PTPRK: variants seen among roughly 807,000 people sequenced by gnomAD.
PTPRK encodes the protein protein tyrosine phosphatase receptor type K.
A neutral mutation model predicts 178.0 loss-of-function variants in PTPRK; 75 were observed. The ratio of observed to expected loss-of-function variants is 0.42; its 90% CI spans 0.35 to 0.51. PTPRK has a LOEUF of 0.51. Among genes scored for constraint, PTPRK ranks in the 20% least tolerant of loss-of-function variants. PTPRK has a pLI of 0.02. For synonymous variants in PTPRK, 637 were observed against 620.6 expected (o/e 1.03, Z -0.39); for missense variants, 1,441 against 1,797.8 (o/e 0.80, Z 3.59).
intron 1 of PTPRK, among the ~76,000 whole-genome samples, chr6:128,403,201 C>T (rs1228214691): frequency 6.6e-6 from 1 of 152,172 alleles, no homozygotes; most frequent in Non-Finnish European, 1.5e-5. Context: ...TCTATTCAAA[C>T]TGTATATTAT....
intron 1 of PTPRK, among the ~76,000 whole-genome samples, chr6:128,419,611 C>CA (rs55706420): frequency 0.024 from 2,270 of 93,022 alleles, 35 homozygotes; most frequent in African/African-American, 0.057. Flanking sequence ...GACTCCGTCT[C>CA]AAAAAAAAAA....
intron 2 of PTPRK, among the ~76,000 whole-genome samples, chr6:128,369,477 A>T (rs1835974089): frequency 1.3e-5 from 2 of 152,230 alleles, no homozygotes; most frequent in East Asian, 3.9e-4. Context: ...TCTACCTGGT[A>T]AACAAAATAC....
chr6:128,167,762 TG>T (rs1332049715), intron 7 of PTPRK, among the ~76,000 whole-genome samples: 1 of 152,074 alleles, frequency 6.6e-6, no homozygotes, highest in Non-Finnish European at 1.5e-5. Context: ...TACCACATGT[TG>T]TATTTATTAG....
chr6:128,121,071 G>C (rs1020080192), intron 7 of PTPRK, among the ~76,000 whole-genome samples: 3 of 151,852 alleles, frequency 2.0e-5, no homozygotes, highest in African/African-American at 7.2e-5. Context: ...GAGTTGAGAA[G>C]AGGCATGCTG....
intron 7 of PTPRK, among the ~76,000 whole-genome samples, 186 bp from the exon 8 acceptor site, chr6:128,090,178 C>T (rs2115025241): frequency 6.6e-6 from 1 of 152,168 alleles, no homozygotes; most frequent in South Asian, 2.1e-4. Flanking sequence ...TAAGATTTAA[C>T]AACAGGAAAA....
intron 13 of PTPRK, among the ~76,000 whole-genome samples, chr6:128,049,755 T>A (rs1199929983): frequency 6.6e-6 from 1 of 152,218 alleles, no homozygotes; most frequent in Non-Finnish European, 1.5e-5. Flanking sequence ...CTTGATGGCA[T>A]CATGGCACAA....
chr6:128,448,555 G>A (rs562660307), intron 1 of PTPRK, among the ~76,000 whole-genome samples: 10 of 151,932 alleles, frequency 6.6e-5, no homozygotes, highest in Non-Finnish European at 1.5e-4. Flanking sequence ...GCCACATTAG[G>A]CACTAAATAA....
intron 7 of PTPRK, among the ~76,000 whole-genome samples, chr6:128,100,447 C>T (rs1453867016): frequency 6.6e-6 from 1 of 151,886 alleles, no homozygotes; most frequent in Non-Finnish European, 1.5e-5. Flanking sequence ...TTTCATAGTG[C>T]TGCTATATAT....
chr6:128,395,385 C>T (rs532076632), intron 2 of PTPRK, among the ~76,000 whole-genome samples: 3 of 152,194 alleles, frequency 2.0e-5, no homozygotes, highest in South Asian at 2.1e-4. Context: ...TGCATATCAT[C>T]CTGTACTGTA....
At chr6:128,413,485 C>G (rs760317297) in intron 1 of PTPRK, among the ~76,000 whole-genome samples, 8 of 152,128 alleles carry the variant, frequency 5.3e-5, no homozygotes, top group Non-Finnish European at 1.2e-4. Flanking sequence ...AGTCTCAAGA[C>G]AGATGGCCTC....
Position 128,372,779 on chromosome 6 carries a change from T to A in PTPRK, c.223+24787A>T, listed in dbSNP as rs576592854. ...TACATGGAGAAGACCCCTACCTGGC[T>A]CTCAGAAAAGTGTCTAACTTTTCAG... On this transcript the variant is annotated intron_variant, in intron 2 of 29. Coordinates refer to ENST00000368226, the MANE Select transcript of PTPRK (RefSeq NM_002844.4). Among the ~76,000 whole-genome samples the A allele has an allele frequency of 2.0e-5, 3 of 152,290 alleles. No individual in the cohort carries two copies. In the South Asian group the frequency reaches 6.2e-4, roughly 32 times the overall value.
At chr6:128,468,087 T>A (rs1012329763) in intron 1 of PTPRK, among the ~76,000 whole-genome samples, 1 of 152,232 alleles carries the variant, frequency 6.6e-6, no homozygotes, top group Admixed American at 6.5e-5. Flanking sequence ...ATATTCAGTA[T>A]CCTGCGTCTA....
intron 1 of PTPRK, among the ~76,000 whole-genome samples, chr6:128,425,103 G>A (rs149466539): frequency 0.041 from 6,177 of 148,860 alleles, 464 homozygotes; most frequent in African/African-American, 0.14. Context: ...TTTTGAGACG[G>A]AGTCTCGCTC....
rs560885431 is a variant in PTPRK at position 128,510,199 on chromosome 6, T to G, written c.100+10060A>C. Among the ~76,000 whole-genome samples, 3 of 152,274 alleles carry G rather than the reference T, an allele frequency of 2.0e-5. No individual in the cohort carries two copies. The East Asian group carries it at 5.8e-4, about 29-fold the overall frequency. On this transcript the variant is annotated intron_variant, in intron 1 of 29. Coordinates refer to ENST00000368226, the MANE Select transcript of PTPRK (RefSeq NM_002844.4). ...TGTGCCAGGCCAGCTGCCCTGGCCA[T>G]TGAAGGTCCATTACGGACCATTAAA...
chr6:128,235,468 A>G (rs755680583), intron 5 of PTPRK: 32 of 334,912 alleles, frequency 9.6e-5, no homozygotes, highest in Admixed American at 5.7e-4. Flanking sequence ...CCATAAGTAG[A>G]GCTTTATCAT....
rs1858637139 is a variant in PTPRK, at chr6:128,519,419, G to A, written c.100+840C>T. On this transcript the variant is annotated intron_variant, in intron 1 of 29. Coordinates refer to ENST00000368226, the MANE Select transcript of PTPRK (RefSeq NM_002844.4). The surrounding 1 kb of genome is among the most constrained non-coding windows in gnomAD (Gnocchi z 4.3). ...CTCCTTTTGGGTTCTCCGGCAGAAGGCAGACATTTACAGTCCGCTTCCAGC... is the reference window on the plus strand; with the variant it reads ...CTCCTTTTGGGTTCTCCGGCAGAAGACAGACATTTACAGTCCGCTTCCAGC... Among the ~76,000 whole-genome samples, 1 of 152,176 alleles carries A rather than the reference G, an allele frequency of 6.6e-6. No homozygotes were observed. The highest frequency in any genetic ancestry group is 1.5e-5 in the Non-Finnish European group (1 of 68,018).
chr6:128,174,943 C>T (rs568106714), intron 7 of PTPRK, among the ~76,000 whole-genome samples: 1 of 152,002 alleles, frequency 6.6e-6, no homozygotes, highest in Non-Finnish European at 1.5e-5. Context: ...GAAATGCATT[C>T]AGGCAGCCTC....
intron 2 of PTPRK, among the ~76,000 whole-genome samples, chr6:128,390,222 T>C (rs182549243): frequency 4.9e-4 from 74 of 152,306 alleles, no homozygotes; most frequent in Non-Finnish European, 8.4e-4. Flanking sequence ...ATTTTTTCTT[T>C]TACCATACAT....
intron 3 of PTPRK, among the ~76,000 whole-genome samples, chr6:128,256,882 A>T (rs775211250): frequency 2.0e-5 from 3 of 152,204 alleles, no homozygotes; most frequent in Non-Finnish European, 2.9e-5. Flanking sequence ...AAATATAATG[A>T]GCTATTGGCA....
Sources: allele counts gnomAD v4.1 joint callset (sites outside exome capture counted in the v4.1 genomes callset), GRCh38; gene constraint gnomAD v4.1.1; non-coding constraint Gnocchi (gnomAD v3.1); transcripts MANE v1.5; gene names NCBI Gene and HGNC (gene_info 2026-07-23, HGNC 2026-07-21).